Variants in PTPRN2 observed in about 807,000 individuals in gnomAD.
PTPRN2 encodes receptor-type tyrosine-protein phosphatase N2.
PTPRN2 carries 74 observed loss-of-function variants against 118.8 expected under a neutral mutation model. The ratio of observed to expected loss-of-function variants is 0.62; its 90% confidence interval spans 0.52 to 0.76. The LOEUF is 0.76. Ranked by LOEUF, PTPRN2 falls within the 30% of genes least tolerant of loss-of-function variation. The pLI is 0.00. For missense variants in PTPRN2, 1,481 were observed against 1,394.4 expected (o/e 1.06, Z -0.99); for synonymous variants, 641 against 608.0 (o/e 1.05, Z -0.80).
At chr7:158,409,512 G>A (rs1586602537) in intron 2 of PTPRN2, among the ~76,000 whole-genome samples, 1 of 152,056 alleles carries the variant, frequency 6.6e-6, no homozygotes, top group South Asian at 2.1e-4. Flanking sequence ...ATTTCCCCAG[G>A]GCTGCCTTCT....
chr7:158,066,476 A>T (rs1810784048), intron 11 of PTPRN2, among the ~76,000 whole-genome samples: 2 of 152,160 alleles, frequency 1.3e-5, no homozygotes, highest in African/African-American at 4.8e-5. Flanking sequence ...ACCACCTCCC[A>T]ACTCCTCAGT....
At position 157,900,641 on chromosome 7, in the gene PTPRN2, G is replaced by A. The variant is rs1335890849; in HGVS notation, c.1724-1904C>T. On this transcript the variant is annotated intron_variant, in intron 11 of 22. Transcript: ENST00000389418. ...GGCATTCTCCGTCCCCTGCCAGGAT[G>A]CTCTGAGCTCCTCAGTCTGACGAAA... 8.5e-5 allele frequency among the ~76,000 whole-genome samples: 13 copies of A among 152,214 alleles called. 1 individual carries two copies.
intron 3 of PTPRN2, among the ~76,000 whole-genome samples, chr7:158,308,999 G>T (rs969926611): frequency 5.9e-5 from 9 of 152,138 alleles, no homozygotes; most frequent in Admixed American, 4.6e-4. Flanking sequence ...ACCTCATAAA[G>T]AAAAGCCCAT....
intron 2 of PTPRN2, among the ~76,000 whole-genome samples, chr7:158,333,959 T>C (rs1805055302): frequency 1.7e-5 from 1 of 59,490 alleles, no homozygotes; most frequent in Admixed American, 2.0e-4. Flanking sequence ...CAGAGGTCAC[T>C]CACACCCACA....
At chr7:158,127,237 C>T (rs532131859) in intron 9 of PTPRN2, among the ~76,000 whole-genome samples, 3 of 152,198 alleles carry the variant, frequency 2.0e-5, no homozygotes, top group Non-Finnish European at 4.4e-5. Flanking sequence ...TCAAGCAACA[C>T]TGTGTTCTTC....
Position 158,022,163 on chromosome 7 carries a change from C to T in PTPRN2, c.1723+59135G>A, listed in dbSNP as rs78805164. ...ATCCTCTGCTTGTCAGCAGCTTCCA[C>T]AGACATGGTGAGAGGAGACATTCAA... On this transcript the variant is annotated intron_variant, in intron 11 of 22. Coordinates refer to ENST00000389418, the MANE Select transcript of PTPRN2 (RefSeq NM_002847.5). This position sits in a 1 kb window ranked among gnomAD's most constrained non-coding sequence, Gnocchi z 4.6. 0.014 allele frequency among the ~76,000 whole-genome samples: 2,141 copies of T among 152,314 alleles called. 51 individuals carry two copies. The highest frequency in any genetic ancestry group is 0.049 in the African/African-American group (2,048 of 41,556).
At chr7:158,322,378 C>T (rs1371741404) in intron 2 of PTPRN2, among the ~76,000 whole-genome samples, 2 of 152,200 alleles carry the variant, frequency 1.3e-5, no homozygotes, top group Non-Finnish European at 1.5e-5. Flanking sequence ...ACAGAGGGCA[C>T]TGACCTCACC....
intron 12 of PTPRN2, among the ~76,000 whole-genome samples, chr7:157,873,283 T>C (rs1811224881): frequency 1.3e-5 from 2 of 152,226 alleles, no homozygotes; most frequent in African/African-American, 4.8e-5. Context: ...TAAATGAATG[T>C]GCACCAGGAA....
intron 6 of PTPRN2, among the ~76,000 whole-genome samples, chr7:158,162,328 T>C (rs1040090615): frequency 9.9e-5 from 15 of 152,182 alleles, no homozygotes; most frequent in Admixed American, 7.2e-4. Flanking sequence ...TGCCAATACA[T>C]GGAAGCAACC....
At chr7:158,333,917 ACCCACAC>A (rs1805039945) in intron 2 of PTPRN2, among the ~76,000 whole-genome samples, 2 of 113,472 alleles carry the variant, frequency 1.8e-5, no homozygotes, top group Non-Finnish European at 3.7e-5. Context: ...CGTCACTCAC[ACCCACAC>A]TCTCACCATA....
At chr7:157,541,136 C>T (rs1204318667) in intron 22 of PTPRN2, among the ~76,000 whole-genome samples, 1 of 152,238 alleles carries the variant, frequency 6.6e-6, no homozygotes, top group Non-Finnish European at 1.5e-5. Context: ...CCTACGACTC[C>T]ACGATTCCTC....
chr7:157,987,226 A>G lies in PTPRN2; in HGVS notation c.1724-88489T>C, dbSNP rs1457446489. On this transcript the variant is annotated intron_variant, in intron 11 of 22. Transcript: ENST00000389418. This position sits in a 1 kb window ranked among gnomAD's most constrained non-coding sequence, Gnocchi z 4.3. Reference sequence around the variant, plus strand: ...ACGAAGTGTCCAGATCTGCTTCTGAAATCTCTTCCTCCCTTAAGGTAAGGT... The same window carrying G: ...ACGAAGTGTCCAGATCTGCTTCTGAGATCTCTTCCTCCCTTAAGGTAAGGT... 6.6e-6 allele frequency among the ~76,000 whole-genome samples: 1 copy of G among 151,986 alleles called. No homozygotes were observed. Among genetic ancestry groups the G allele is most frequent in the Non-Finnish European group, 1.5e-5 (1 of 68,002 alleles).
intron 12 of PTPRN2, among the ~76,000 whole-genome samples, chr7:157,866,343 G>C (rs1464015985): frequency 1.3e-5 from 2 of 152,198 alleles, no homozygotes; most frequent in East Asian, 3.9e-4. Flanking sequence ...CATATGCAGA[G>C]TTATATACAT....
In PTPRN2 at chr7:157,598,632, ATG is replaced by A. The variant is rs937073638; in HGVS notation, c.2419-3319_2419-3318del. ...TGCATGTGCAGACTCGTCTGTGTGT[ATG>A]TGTGTGTCCTGGTGTTGGTCATCCC... On this transcript the variant is annotated intron_variant, in intron 16 of 22. Coordinates refer to ENST00000389418, the MANE Select transcript of PTPRN2 (RefSeq NM_002847.5). This position sits in a 1 kb window ranked among gnomAD's most constrained non-coding sequence, Gnocchi z 5.2. Among the ~76,000 whole-genome samples the A allele has an allele frequency of 1.8e-4, 28 of 152,270 alleles. No homozygotes were observed. Among genetic ancestry groups the A allele is most frequent in the African/African-American group, 6.7e-4 (28 of 41,536 alleles).
chr7:157,890,923 G>A (rs945641688), intron 12 of PTPRN2, among the ~76,000 whole-genome samples: 5 of 152,136 alleles, frequency 3.3e-5, no homozygotes, highest in African/African-American at 7.2e-5. Flanking sequence ...ACAAAGGCAC[G>A]GTCCTGCTGC....
rs770180790 is a variant in PTPRN2 at position 158,138,333 on chromosome 7, C to A, written c.1093G>T (p.Asp365Tyr). The A allele has an allele frequency of 1.7e-5, 28 of 1,613,636 alleles. No homozygotes were observed. The Admixed American group carries it at 4.5e-4, about 26-fold the overall frequency. ...AALGESGEQA[D>Y]GPKATLRGDS... The stretch of plus-strand genomic sequence containing the variant: ...CCACGGAGGGTGGCCTTGGGGCCAT[C>A]CGCCTGTTCTCCAGACTCTCCCAGG... Residue 365 changes from aspartate to tyrosine, a missense_variant, in exon 7 of 23, where the codon GAT (aspartate) becomes TAT (tyrosine). Around this residue, in one of 3 missense-constraint regions of PTPRN2, gnomAD observed 1,115 missense variants for 994.2 expected, o/e 1.12. Coordinates refer to ENST00000389418, the MANE Select transcript of PTPRN2 (RefSeq NM_002847.5).
At chr7:157,548,415 G>A (rs547650436) in intron 22 of PTPRN2, among the ~76,000 whole-genome samples, 1 of 152,292 alleles carries the variant, frequency 6.6e-6, no homozygotes, top group South Asian at 2.1e-4. Context: ...CCAGACACAC[G>A]TCAACCTCAC....
At chr7:158,460,882 T>C (rs1261456625) in intron 2 of PTPRN2, among the ~76,000 whole-genome samples, 3 of 152,176 alleles carry the variant, frequency 2.0e-5, no homozygotes, top group South Asian at 2.1e-4. Flanking sequence ...AAGCACAGAG[T>C]ACCTCAAAAT....
intron 2 of PTPRN2, among the ~76,000 whole-genome samples, chr7:158,479,018 T>C (rs571513753): frequency 6.6e-6 from 1 of 152,168 alleles, no homozygotes; most frequent in South Asian, 2.1e-4. Context: ...CTCCCGTGTT[T>C]CTCAGCTGTG....
Sources: gnomAD v4.1 joint callset for allele counts (sites outside exome capture counted in the v4.1 genomes callset) on GRCh38, gnomAD v4.1.1 for gene constraint, gnomAD v4.1.1 regional missense constraint, Gnocchi (gnomAD v3.1) non-coding constraint, MANE v1.5 for transcripts, NCBI Gene and HGNC (gene_info 2026-07-23, HGNC 2026-07-21) for gene names.